The following JDP2 variants were observed in gnomAD, a reference collection of about 807,000 sequenced individuals.
JDP2 encodes the protein progesterone receptor co-activator.
Under a neutral mutation model 17.1 loss-of-function variants are expected in JDP2, and 9 were observed. The ratio of observed to expected loss-of-function variants is 0.53; its 90% CI spans 0.32 to 0.92. The LOEUF (loss-of-function observed/expected upper bound fraction) is 0.92. Ranked by LOEUF, JDP2 falls within the 40% of genes least tolerant of loss-of-function variation. The pLI, the probability that JDP2 is intolerant of heterozygous loss-of-function variation, is 0.04. For synonymous variants in JDP2, 107 were observed against 95.6 expected (o/e 1.12, Z -0.69); for missense variants, 179 against 220.0 (o/e 0.81, Z 1.18).
chr14:75,434,346 A>G (rs1046838558), intron 1 of JDP2, among the ~76,000 whole-genome samples: 4 of 152,018 alleles, frequency 2.6e-5, no homozygotes, highest in African/African-American at 9.7e-5. Flanking sequence ...GCTGGTGAAT[A>G]TCAGCTGTTG....
chr14:75,468,394 G>C (rs913856578), intron 3 of JDP2, among the ~76,000 whole-genome samples: 1 of 152,114 alleles, frequency 6.6e-6, no homozygotes, highest in African/African-American at 2.4e-5. Flanking sequence ...AAACTTTGCT[G>C]GCCCTCGAAT....
chr14:75,456,729 G>A (rs1390661267), intron 2 of JDP2, among the ~76,000 whole-genome samples: 1 of 152,146 alleles, frequency 6.6e-6, no homozygotes, highest in Non-Finnish European at 1.5e-5. Flanking sequence ...TGGTTGCCCG[G>A]CCCTGCATGA....
intron 1 of JDP2, among the ~76,000 whole-genome samples, chr14:75,429,061 T>C (rs1156600196): frequency 3.3e-5 from 5 of 152,110 alleles, no homozygotes; most frequent in African/African-American, 1.2e-4. Context: ...GGATTGGGCC[T>C]TCCACCTGGA....
At chr14:75,435,381 T>C (rs1885016820) in intron 1 of JDP2, among the ~76,000 whole-genome samples, 1 of 152,198 alleles carries the variant, frequency 6.6e-6, no homozygotes, top group Non-Finnish European at 1.5e-5. Flanking sequence ...CGTGGAGTTA[T>C]TCAGGGAACT....
intron 3 of JDP2, among the ~76,000 whole-genome samples, chr14:75,463,622 A>T (rs886183540): frequency 1.3e-5 from 2 of 152,144 alleles, no homozygotes; most frequent in Non-Finnish European, 2.9e-5. Context: ...GAGCAGTGAG[A>T]TGGAGGCCCT....
At chr14:75,432,455 C>T in intron 1 of JDP2, 1 of 961,956 alleles carries the variant, frequency 1.0e-6, no homozygotes, top group Non-Finnish European at 1.6e-6. Context: ...AGGTCCCCCA[C>T]TTCTCTTGTT....
At chr14:75,459,269 G>A (rs572593193) in intron 2 of JDP2, among the ~76,000 whole-genome samples, 17 of 152,332 alleles carry the variant, frequency 1.1e-4, no homozygotes, top group Admixed American at 2.0e-4. Flanking sequence ...GGCCTTGTTG[G>A]GGGTGAGGTT....
At chr14:75,466,214 G>A (rs1886564915) in intron 3 of JDP2, among the ~76,000 whole-genome samples, 1 of 152,242 alleles carries the variant, frequency 6.6e-6, no homozygotes, top group Non-Finnish European at 1.5e-5. Context: ...GCCGAGGCAG[G>A]CAGATCACTT....
intron 3 of JDP2, among the ~76,000 whole-genome samples, chr14:75,468,028 G>A (rs995735568): frequency 6.6e-6 from 1 of 152,098 alleles, no homozygotes; most frequent in African/African-American, 2.4e-5. Flanking sequence ...GGAGAGGGTT[G>A]GGCCCACTGA....
intron 1 of JDP2, chr14:75,432,387 G>T: frequency 6.5e-7 from 1 of 1,527,226 alleles, no homozygotes; most frequent in Non-Finnish European, 8.9e-7. Context: ...CTTCTCTGTG[G>T]ACTCCTGCCC....
At chr14:75,455,149 C>T (rs758484909) in intron 2 of JDP2, among the ~76,000 whole-genome samples, 1 of 152,120 alleles carries the variant, frequency 6.6e-6, no homozygotes, top group Non-Finnish European at 1.5e-5. Flanking sequence ...AATCTGCGTG[C>T]GCATGTACTG....
chr14:75,448,821 G>C (rs905855780), intron 2 of JDP2, among the ~76,000 whole-genome samples: 1 of 152,208 alleles, frequency 6.6e-6, no homozygotes, highest in Non-Finnish European at 1.5e-5. Context: ...GTTCTCAGCA[G>C]TTCTGGTCTG....
At chr14:75,433,228 A>G (rs1178718208) in intron 1 of JDP2, among the ~76,000 whole-genome samples, 1 of 137,992 alleles carries the variant, frequency 7.2e-6, no homozygotes, top group Admixed American at 7.1e-5. Flanking sequence ...AAAAAAATGT[A>G]AGGGGTTAGG....
chr14:75,428,820 T>C lies in JDP2; in HGVS notation c.-24+568T>C, dbSNP rs1197448789. On this transcript the variant is annotated intron_variant, in intron 1 of 3. Coordinates refer to ENST00000651602, the MANE Select transcript of JDP2 (RefSeq NM_001135048.2). The surrounding 1 kb of genome is among the most constrained non-coding windows in gnomAD (Gnocchi z 5.6). ...TTCCATCCAATGAAGGCAGCTTCTCTCATGGCCATTGCTTCGGAGCTCTGG... is the reference window on the plus strand; with the variant it reads ...TTCCATCCAATGAAGGCAGCTTCTCCCATGGCCATTGCTTCGGAGCTCTGG... 6.6e-6 allele frequency among the ~76,000 whole-genome samples: 1 copy of C among 152,138 alleles called. No individual in the cohort carries two copies.
chr14:75,452,417 C>T lies in JDP2; in HGVS notation c.202-9009C>T, dbSNP rs113816930. ...ACTTGTGCTTATTAAAGATGAGCCC[C>T]AGGACCGGAGAGGTGACCTGATTGA... On this transcript the variant is annotated intron_variant, in intron 2 of 3. Transcript: ENST00000651602. 2.7e-3 allele frequency among the ~76,000 whole-genome samples: 410 copies of T among 152,222 alleles called. 1 individual carries two copies. Among genetic ancestry groups the T allele is most frequent in the Non-Finnish European group, 3.8e-3 (256 of 68,020 alleles).
In JDP2 at chr14:75,470,714, A is replaced by G. The variant is rs1247368955; in HGVS notation, c.*1239A>G. ...CCCTGAGAATTCACTGGAGGATGAA[A>G]CAGACCTAAGTCTTGCCCTTGTGGG... On this transcript the variant is annotated 3_prime_UTR_variant, in exon 4 of 4. Transcript: ENST00000651602. 6.6e-6 allele frequency: 1 copy of G among 152,246 alleles called. No individual in the cohort carries two copies. Among genetic ancestry groups the G allele is most frequent in the East Asian group, 1.9e-4 (1 of 5,202 alleles). The allele number at this position is 152,246 out of a possible 1,614,324, so 9.4% of individuals were successfully genotyped here. A position where few individuals can be genotyped will look rare whatever the true frequency, so the allele number is the denominator to read the frequency against.
intron 2 of JDP2, among the ~76,000 whole-genome samples, chr14:75,447,328 T>C (rs1885648232): frequency 6.6e-6 from 1 of 152,226 alleles, no homozygotes; most frequent in Admixed American, 6.5e-5. Flanking sequence ...GTAGACGTCA[T>C]CTCTGATCTG....
chr14:75,462,933 G>A (rs1157360667), intron 3 of JDP2, among the ~76,000 whole-genome samples: 1 of 152,172 alleles, frequency 6.6e-6, no homozygotes, highest in African/African-American at 2.4e-5. Flanking sequence ...CTACAACATT[G>A]GGCTGGGAAT....
intron 1 of JDP2, among the ~76,000 whole-genome samples, chr14:75,434,542 T>C (rs571292789): frequency 6.6e-6 from 1 of 152,190 alleles, no homozygotes; most frequent in East Asian, 1.9e-4. Context: ...ATGGCAAAAT[T>C]TATGGGGCCC....
Sources: gnomAD v4.1 joint callset for allele counts (sites outside exome capture counted in the v4.1 genomes callset) on GRCh38, gnomAD v4.1.1 for gene constraint, Gnocchi (gnomAD v3.1) non-coding constraint, MANE v1.5 for transcripts, NCBI Gene and HGNC (gene_info 2026-07-23, HGNC 2026-07-21) for gene names.